Variants in GALNTL6 observed in about 807,000 individuals in gnomAD.
The protein encoded by GALNTL6 is polypeptide N-acetylgalactosaminyltransferase like 6.
Under a neutral mutation model 73.7 loss-of-function variants are expected in GALNTL6, and 46 were observed. The ratio of observed to expected loss-of-function variants is 0.62; its 90% CI spans 0.49 to 0.80. GALNTL6 has a LOEUF of 0.80. Ranked by LOEUF, GALNTL6 falls within the 30% of genes least tolerant of loss-of-function variation. The probability of loss-of-function intolerance (pLI) is 0.00; values close to 1 mark genes in which losing one functional copy is unlikely to be tolerated. For missense variants in GALNTL6, 604 were observed against 755.0 expected (o/e 0.80, Z 2.34); for synonymous variants, 259 against 263.7 (o/e 0.98, Z 0.17).
chr4:172,353,838 A>C (rs1241056182), intron 5 of GALNTL6, among the ~76,000 whole-genome samples: 1 of 152,128 alleles, frequency 6.6e-6, no homozygotes, highest in Admixed American at 6.5e-5. Flanking sequence ...CACAGGGCTG[A>C]AAGTGTTTTT....
intron 7 of GALNTL6, among the ~76,000 whole-genome samples, chr4:172,853,486 T>C (rs2111115552): frequency 6.6e-6 from 1 of 152,324 alleles, no homozygotes; most frequent in South Asian, 2.1e-4. Flanking sequence ...GACAAAGTTG[T>C]CTTTAAGGTT....
At chr4:172,482,093 C>G (rs969702233) in intron 5 of GALNTL6, among the ~76,000 whole-genome samples, 1 of 152,206 alleles carries the variant, frequency 6.6e-6, no homozygotes, top group Non-Finnish European at 1.5e-5. Flanking sequence ...ACCCGGCGCC[C>G]CCTCCACAGC....
At chr4:172,893,584 G>T (rs912170656) in intron 8 of GALNTL6, among the ~76,000 whole-genome samples, 10 of 152,194 alleles carry the variant, frequency 6.6e-5, no homozygotes, top group African/African-American at 1.9e-4. Flanking sequence ...TGACCAGGCA[G>T]GCAGTCTTGG....
intron 5 of GALNTL6, among the ~76,000 whole-genome samples, chr4:172,429,893 G>T (rs1018666651): frequency 1.3e-5 from 2 of 151,994 alleles, no homozygotes; most frequent in Non-Finnish European, 2.9e-5. Context: ...ACTGCAAATG[G>T]GTTAGATGGG....
chr4:172,301,906 G>A (rs1194523693), intron 3 of GALNTL6, among the ~76,000 whole-genome samples: 1 of 152,162 alleles, frequency 6.6e-6, no homozygotes, highest in Non-Finnish European at 1.5e-5. Flanking sequence ...TGTCAGACAG[G>A]GACATTTAAG....
At chr4:172,709,435 C>T (rs753383560) in intron 5 of GALNTL6, among the ~76,000 whole-genome samples, 9 of 152,164 alleles carry the variant, frequency 5.9e-5, no homozygotes, top group Non-Finnish European at 8.8e-5. Context: ...TTCATTCTTG[C>T]CAGCCCGACT....
intron 2 of GALNTL6, among the ~76,000 whole-genome samples, chr4:171,990,304 A>G (rs1424731352): frequency 1.3e-5 from 2 of 152,082 alleles, no homozygotes; most frequent in Admixed American, 1.3e-4. Flanking sequence ...TTATTAATTC[A>G]CTTATTTTTT....
intron 2 of GALNTL6, among the ~76,000 whole-genome samples, chr4:171,989,359 G>A (rs1194606007): frequency 6.6e-6 from 1 of 152,152 alleles, no homozygotes; most frequent in Non-Finnish European, 1.5e-5. Flanking sequence ...GCATTCCAGG[G>A]GCTCTGGGAG....
chr4:172,131,148 T>C (rs1430077563), intron 2 of GALNTL6, among the ~76,000 whole-genome samples: 2 of 151,848 alleles, frequency 1.3e-5, no homozygotes, highest in African/African-American at 4.8e-5. Context: ...AAAGAAAATA[T>C]ATGTAAGTAC....
At chr4:171,919,578 T>G (rs56826848) in intron 2 of GALNTL6, among the ~76,000 whole-genome samples, 6,041 of 152,132 alleles carry the variant, frequency 0.04, 347 homozygotes, top group African/African-American at 0.12. Context: ...AGTGGCAGGA[T>G]ACTTATAGGC....
chr4:172,285,244 A>G (rs570456024), intron 3 of GALNTL6, among the ~76,000 whole-genome samples: 1 of 152,268 alleles, frequency 6.6e-6, no homozygotes, highest in East Asian at 1.9e-4. Flanking sequence ...CAAGTCTGTG[A>G]GGAAATTTAT....
At chr4:172,545,424 C>T (rs974368740) in intron 5 of GALNTL6, among the ~76,000 whole-genome samples, 1 of 152,182 alleles carries the variant, frequency 6.6e-6, no homozygotes, top group Non-Finnish European at 1.5e-5. Flanking sequence ...AGCCACTCCT[C>T]ACTTCAATCC....
intron 8 of GALNTL6, among the ~76,000 whole-genome samples, chr4:172,900,622 GA>G (rs2111238303): frequency 6.6e-6 from 1 of 151,720 alleles, no homozygotes; most frequent in East Asian, 1.9e-4. Flanking sequence ...CATCCTTAAA[GA>G]AAAAAAGAAA....
rs868070945 is a variant in GALNTL6 at position 172,739,125 on chromosome 4, A to C, written c.554-70236A>C. 2.6e-5 allele frequency among the ~76,000 whole-genome samples: 4 copies of C among 152,150 alleles called. No homozygotes were observed. The South Asian group carries it at 6.2e-4, about 24-fold the overall frequency. On this transcript the variant is annotated intron_variant, in intron 5 of 12. Coordinates refer to ENST00000506823, the MANE Select transcript of GALNTL6 (RefSeq NM_001034845.3). ...TGGCTTGAAACAGTGTTTCAGGTTAAATTTTAGAATGACCTGGCCAAGGAG... is the reference window on the plus strand; with the variant it reads ...TGGCTTGAAACAGTGTTTCAGGTTACATTTTAGAATGACCTGGCCAAGGAG...
At chr4:172,182,581 G>T (rs1326423508) in intron 2 of GALNTL6, among the ~76,000 whole-genome samples, 1 of 146,230 alleles carries the variant, frequency 6.8e-6, no homozygotes, top group Non-Finnish European at 1.5e-5. Flanking sequence ...GTGATAAACA[G>T]GGCTGGCTGC....
intron 5 of GALNTL6, among the ~76,000 whole-genome samples, chr4:172,385,263 T>G (rs1207165622): frequency 2.0e-5 from 3 of 152,048 alleles, no homozygotes; most frequent in Non-Finnish European, 4.4e-5. Flanking sequence ...TCTGCTATGA[T>G]TGCGTATTCT....
chr4:172,196,929 C>G lies in GALNTL6; in HGVS notation c.139-32727C>G, dbSNP rs371725667. ...ACTCCTATTCAACATAGTATTGGAA[C>G]TTCCCGCCAGGGGAATCAGGCAAGA... On this transcript the variant is annotated intron_variant, in intron 2 of 12. Coordinates refer to ENST00000506823, the MANE Select transcript of GALNTL6 (RefSeq NM_001034845.3). 3.0e-4 allele frequency among the ~76,000 whole-genome samples: 46 copies of G among 152,230 alleles called. 1 individual carries two copies. Among genetic ancestry groups the G allele is most frequent in the African/African-American group, 1.1e-3 (46 of 41,552 alleles).
intron 2 of GALNTL6, among the ~76,000 whole-genome samples, chr4:171,912,609 A>T (rs1461150910): frequency 6.6e-6 from 1 of 152,144 alleles, no homozygotes; most frequent in Non-Finnish European, 1.5e-5. Flanking sequence ...AATTATAGCT[A>T]ACTATAGTCT....
intron 5 of GALNTL6, among the ~76,000 whole-genome samples, chr4:172,715,702 T>C (rs1035217210): frequency 1.3e-5 from 2 of 152,218 alleles, no homozygotes; most frequent in African/African-American, 4.8e-5. Flanking sequence ...ATCCTGGGGA[T>C]TGATTTATTT....
Sources: allele counts gnomAD v4.1 joint callset (sites outside exome capture counted in the v4.1 genomes callset), GRCh38; gene constraint gnomAD v4.1.1; transcripts MANE v1.5; gene names NCBI Gene and HGNC (gene_info 2026-07-23, HGNC 2026-07-21).